KDM5A: variants seen among roughly 807,000 people sequenced by gnomAD.
KDM5A encodes lysine demethylase 5A, also known as lysine-specific demethylase 5A.
In KDM5A, 42 loss-of-function variants were observed where a neutral mutation model predicts 193.5. The observed-to-expected ratio is 0.22, with a 90% confidence interval of 0.17 to 0.28. The LOEUF is 0.28. Among genes scored for constraint, KDM5A ranks in the 10% least tolerant of loss-of-function variants. The probability of loss-of-function intolerance (pLI) is 1.00; values close to 1 mark genes in which losing one functional copy is unlikely to be tolerated. For missense variants in KDM5A, 1,692 were observed against 2,055.1 expected (o/e 0.82, Z 3.42); for synonymous variants, 796 against 718.1 (o/e 1.11, Z -1.73).
chr12:375,592 G>A (rs1283613663), intron 3 of KDM5A, among the ~76,000 whole-genome samples: 1 of 152,216 alleles, frequency 6.6e-6, no homozygotes, highest in African/African-American at 2.4e-5. Flanking sequence ...GTCATTCTCT[G>A]TCCAGCTTTG....
intron 20 of KDM5A, among the ~76,000 whole-genome samples, chr12:311,495 TGAAATTACA>T (rs376184740): frequency 2.6e-5 from 4 of 151,462 alleles, no homozygotes; most frequent in African/African-American, 9.7e-5. Flanking sequence ...GACAGCCCTT[TGAAATTACA>T]GAGGAAACAC....
At chr12:296,957 T>C in intron 25 of KDM5A, 84 bp downstream of exon 25, 1 of 1,379,896 alleles carries the variant, frequency 7.2e-7, no homozygotes. Context: ...CCACTCGAAA[T>C]GGAGTCACAG....
intron 9 of KDM5A, among the ~76,000 whole-genome samples, chr12:351,202 C>G (rs1159785053): frequency 2.0e-5 from 3 of 152,014 alleles, no homozygotes; most frequent in African/African-American, 7.3e-5. Context: ...AATGCTATCC[C>G]TCCCCTAGCC....
chr12:307,478 T>A lies in KDM5A; in HGVS notation c.3906A>T (p.Lys1302Asn). Residue 1302 changes from lysine (K) to asparagine (N), a missense_variant, in exon 23 of 28, where the codon AAA (lysine) becomes AAT (asparagine). Lys to Asn is a moderately conservative substitution (Grantham distance 94). Transcript: ENST00000399788. The surrounding 1 kb of genome is among the most constrained non-coding windows in gnomAD (Gnocchi z 4.3). ...CCTGTAAGTCTGGATTGGCAGCTGC[T>A]TTTTGGAGTTCTGCACTGATGATCT... is the stretch of plus-strand genomic sequence containing the variant. ...TEKIISAELQ[K>N]AAANPDLQGH... is the part of the protein sequence containing the mutation. 6.2e-7 allele frequency: 1 copy of A among 1,613,322 alleles called. No individual in the cohort carries two copies. The highest frequency in any genetic ancestry group is 8.5e-7 in the Non-Finnish European group (1 of 1,180,002).
At chr12:353,902 CAG>C (rs1187111820) in intron 8 of KDM5A, among the ~76,000 whole-genome samples, 172 bp downstream of exon 8, 1 of 122,452 alleles carries the variant, frequency 8.2e-6, no homozygotes, top group Non-Finnish European at 1.6e-5. Context: ...AGCCTGGCGA[CAG>C]AGTGAGACAC....
intron 18 of KDM5A, 112 bp from the exon 19 acceptor site, chr12:318,573 C>A: frequency 1.4e-6 from 1 of 733,456 alleles, no homozygotes. Flanking sequence ...TATAATCTCA[C>A]CATCATAACA....
intron 27 of KDM5A, 73 bp downstream of exon 27, chr12:292,686 G>C: frequency 6.4e-7 from 1 of 1,556,856 alleles, no homozygotes; most frequent in Non-Finnish European, 8.9e-7. Flanking sequence ...ACTACACATT[G>C]ATATCAAACA....
chr12:347,710 A>C (rs1207800205), intron 10 of KDM5A, among the ~76,000 whole-genome samples: 1 of 152,182 alleles, frequency 6.6e-6, no homozygotes, highest in Non-Finnish European at 1.5e-5. Flanking sequence ...GGCTAGCCAC[A>C]TGTAGAAAGC....
rs140013601 is a variant in KDM5A at position 362,615 on chromosome 12, A to G, written c.672+348T>C. Reference sequence around the variant, plus strand: ...ACCCTCTTATTTGTCATCCCTGTCAAAAACTACTAAAAAATTAACAAAGAA... The same window carrying G: ...ACCCTCTTATTTGTCATCCCTGTCAGAAACTACTAAAAAATTAACAAAGAA... On this transcript the variant is annotated intron_variant, in intron 5 of 27. Transcript: ENST00000399788. Among the ~76,000 whole-genome samples the G allele has an allele frequency of 5.8e-4, 88 of 152,360 alleles. No homozygotes were observed. In the East Asian group the frequency reaches 0.012, roughly 20 times the overall value.
In KDM5A at chr12:356,689, G is replaced by A. The variant is rs1944233302; in HGVS notation, c.673-152C>T. 14 of 645,106 alleles carry A rather than the reference G, an allele frequency of 2.2e-5. 1 individual carries two copies. The South Asian group carries it at 2.5e-4, about 12-fold the overall frequency. The allele number at this position is 645,106 out of a possible 1,614,324, so 40.0% of individuals were successfully genotyped here. ...ATCCACTCACTGCCTCATTACCACA[G>A]TTGAAAACGGTCACCAAAACACCAT... On this transcript the variant is annotated intron_variant, in intron 5 of 27. Transcript: ENST00000399788.
intron 4 of KDM5A, 38 bp from the exon 5 acceptor site, chr12:363,135 G>A (rs1424664924): frequency 1.9e-6 from 3 of 1,612,432 alleles, no homozygotes; most frequent in Admixed American, 3.3e-5. Context: ...CAGGTTCACT[G>A]ATAAGAAATC....
rs1943177603 is a variant in KDM5A, at chr12:283,296, A to G, written c.*2160T>C. ...ATCAACCAGAGGAAATTCTTAATTG[A>G]TAATCGTTAGCTTGGCAAAACGAAA... On this transcript the variant is annotated 3_prime_UTR_variant, in exon 28 of 28. Transcript: ENST00000399788. The G allele has an allele frequency of 8.6e-6, 2 of 231,956 alleles. No individual in the cohort carries two copies. The highest frequency in any genetic ancestry group is 1.7e-5 in the Non-Finnish European group (2 of 117,052). The allele number at this position is 231,956 out of a possible 1,614,324, so 14.4% of individuals were successfully genotyped here. A position where few individuals can be genotyped will look rare whatever the true frequency, so the allele number is the denominator to read the frequency against.
intron 13 of KDM5A, among the ~76,000 whole-genome samples, chr12:329,465 A>C (rs964684196): frequency 3.9e-5 from 6 of 152,070 alleles, no homozygotes; most frequent in African/African-American, 1.4e-4. Context: ...CCATAGAACA[A>C]AAAGAACAGA....
At chr12:303,705 A>G (rs995066793) in intron 24 of KDM5A, among the ~76,000 whole-genome samples, 1 of 152,248 alleles carries the variant, frequency 6.6e-6, no homozygotes, top group African/African-American at 2.4e-5. Context: ...ACAACCTATA[A>G]TAACTCCTAT....
At position 346,744 on chromosome 12, in the gene KDM5A, G is replaced by A. The variant is rs571339961; in HGVS notation, c.1308+3877C>T. Among the ~76,000 whole-genome samples, 7 of 152,144 alleles carry A rather than the reference G, an allele frequency of 4.6e-5. No homozygotes were observed. The South Asian group carries it at 1.5e-3, about 32-fold the overall frequency. On this transcript the variant is annotated intron_variant, in intron 10 of 27. Transcript: ENST00000399788. ...TTCATGCTAAAAACTCTCAATAAAC[G>A]AGGTATTGATGGAATGTATCTCAAA...
intron 19 of KDM5A, among the ~76,000 whole-genome samples, chr12:316,038 G>A (rs1257360126): frequency 2.0e-5 from 3 of 152,176 alleles, no homozygotes; most frequent in African/African-American, 7.2e-5. Flanking sequence ...GAATCTCAAG[G>A]AAAACCATTA....
chr12:351,930 C>A (rs1364520858), intron 9 of KDM5A, among the ~76,000 whole-genome samples: 1 of 151,642 alleles, frequency 6.6e-6, no homozygotes, highest in Non-Finnish European at 1.5e-5. Flanking sequence ...ATGGTGAAAC[C>A]CCATCTCTAC....
At chr12:354,569 C>A (rs1249159003) in intron 7 of KDM5A, among the ~76,000 whole-genome samples, 2 of 152,104 alleles carry the variant, frequency 1.3e-5, no homozygotes, top group African/African-American at 4.8e-5. Context: ...AGATTGAGAC[C>A]ATCCTGGCTA....
chr12:299,983 C>A (rs1943422396), intron 24 of KDM5A, among the ~76,000 whole-genome samples: 1 of 148,412 alleles, frequency 6.7e-6, no homozygotes, highest in Non-Finnish European at 1.5e-5. Flanking sequence ...ACAAGAAGAG[C>A]TAACTATCCT....
Sources: gnomAD v4.1 joint callset for allele counts (sites outside exome capture counted in the v4.1 genomes callset) on GRCh38, gnomAD v4.1.1 for gene constraint, Gnocchi (gnomAD v3.1) non-coding constraint, MANE v1.5 for transcripts, NCBI Gene and HGNC (gene_info 2026-07-23, HGNC 2026-07-21) for gene names.